The following NAV2 variants were observed in gnomAD, a reference collection of about 807,000 sequenced individuals.
NAV2 encodes helicase, APC down-regulated 1.
NAV2 carries 54 observed loss-of-function variants against 223.2 expected under a neutral mutation model. The ratio of observed to expected loss-of-function variants is 0.24; its 90% CI spans 0.19 to 0.30. NAV2 has a LOEUF of 0.30. Among genes scored for constraint, NAV2 ranks in the 10% least tolerant of loss-of-function variants. NAV2 has a pLI of 1.00. For synonymous variants in NAV2, 1,279 were observed against 1,239.3 expected, an observed-to-expected ratio of 1.03 and a Z score of -0.67; for missense variants, 2,806 against 3,147.5, an observed-to-expected ratio of 0.89 and a Z score of 2.60.
At chr11:19,634,715 A>C (rs2135516959) in intron 1 of NAV2, among the ~76,000 whole-genome samples, 1 of 152,320 alleles carries the variant, frequency 6.6e-6, no homozygotes, top group East Asian at 1.9e-4. Flanking sequence ...GGGAAGAGGC[A>C]ATTAAACATT....
At chr11:19,553,771 G>T (rs528712609) in intron 1 of NAV2, among the ~76,000 whole-genome samples, 1 of 152,328 alleles carries the variant, frequency 6.6e-6, no homozygotes, top group African/African-American at 2.4e-5. Context: ...CCCTTTCTGG[G>T]GAGACACACC....
intron 10 of NAV2, among the ~76,000 whole-genome samples, chr11:19,953,237 C>T (rs1362965062): frequency 6.6e-6 from 1 of 152,036 alleles, no homozygotes; most frequent in Non-Finnish European, 1.5e-5. Context: ...AATATAACAT[C>T]AGAAGTTTCT....
At chr11:19,675,014 G>T (rs1299331244) in intron 1 of NAV2, among the ~76,000 whole-genome samples, 1 of 152,168 alleles carries the variant, frequency 6.6e-6, no homozygotes, top group Non-Finnish European at 1.5e-5. Context: ...GAGCCTGAGT[G>T]CTTCTAATCC....
chr11:20,025,455 G>GA (rs2054955675), intron 11 of NAV2, among the ~76,000 whole-genome samples: 1 of 152,214 alleles, frequency 6.6e-6, no homozygotes, highest in African/African-American at 2.4e-5. Flanking sequence ...GAGGAGCCTT[G>GA]AAGGAGAGAG....
At chr11:20,114,468 TG>T in intron 36 of NAV2, 123 bp from the exon 37 acceptor site, 1 of 817,170 alleles carries the variant, frequency 1.2e-6, no homozygotes, top group Non-Finnish European at 2.0e-6. Flanking sequence ...GGAATAGAAG[TG>T]GAATTACTCC....
At chr11:19,497,645 G>C (rs917890506) in intron 1 of NAV2, among the ~76,000 whole-genome samples, 2 of 152,168 alleles carry the variant, frequency 1.3e-5, no homozygotes, top group African/African-American at 4.8e-5. Context: ...GAGCTTTCAG[G>C]AATCATTAAT....
rs372588468 is a variant in NAV2 at position 20,107,722 on chromosome 11, C to A, written c.6900C>A (p.Thr2300=). The stretch of plus-strand genomic sequence containing the variant: ...TGGACGGCTCGAGAGTGTGGTTCAC[C>A]GACTTGTGGAACTATTCCATTATCC... ...IDVDGSRVWF[T]DLWNYSIIPY... The change falls in exon 36 of 38, where the codon ACC becomes ACA. Residue 2300 remains threonine (T), a synonymous_variant. Transcript: ENST00000349880. 3.7e-6 allele frequency: 6 copies of A among 1,614,142 alleles called. No homozygotes were observed. The highest frequency in any genetic ancestry group is 5.1e-6 in the Non-Finnish European group (6 of 1,180,034).
rs540622741 is a variant in NAV2 at position 19,803,945 on chromosome 11, T to C, written c.268-28539T>C. Among the ~76,000 whole-genome samples the C allele has an allele frequency of 1.5e-4, 23 of 152,270 alleles. No individual in the cohort carries two copies. The South Asian group carries it at 4.8e-3, about 32-fold the overall frequency. ...CTAGGAACAATTGGCAAGGGTAGGG[T>C]AGAGCTTGAAAGGGGTGTGGCTAGG... On this transcript the variant is annotated intron_variant, in intron 1 of 37. Coordinates refer to ENST00000349880, the MANE Select transcript of NAV2 (RefSeq NM_145117.5).
At chr11:19,387,471 G>A (rs1849087945) in intron 1 of NAV2, among the ~76,000 whole-genome samples, 2 of 152,176 alleles carry the variant, frequency 1.3e-5, no homozygotes, top group South Asian at 2.1e-4. Context: ...GAGAGAAGAT[G>A]CTGAGTCTCA....
Position 19,886,900 on chromosome 11 carries a change from G to A in NAV2, c.771-5534G>A, listed in dbSNP as rs747754636. Among the ~76,000 whole-genome samples the A allele has an allele frequency of 3.3e-5, 5 of 152,092 alleles. No homozygotes were observed. In the East Asian group the frequency reaches 7.7e-4, roughly 23 times the overall value. On this transcript the variant is annotated intron_variant, in intron 5 of 37. Coordinates refer to ENST00000349880, the MANE Select transcript of NAV2 (RefSeq NM_145117.5). ...CCTACTTAGAGTTTCTTTGAGATAC[G>A]CTTTTGTCTCTGCTGAGGCCAATGA...
At chr11:19,907,645 T>A (rs2042985263) in intron 6 of NAV2, among the ~76,000 whole-genome samples, 1 of 152,192 alleles carries the variant, frequency 6.6e-6, no homozygotes, top group African/African-American at 2.4e-5. Context: ...AGAAGATACA[T>A]CTTTTGGCGG....
chr11:19,845,458 AT>A (rs1225211759), intron 3 of NAV2, among the ~76,000 whole-genome samples: 3 of 152,226 alleles, frequency 2.0e-5, no homozygotes, highest in Non-Finnish European at 2.9e-5. Context: ...GGAAAAAAAA[AT>A]AATCAGCATA....
intron 1 of NAV2, among the ~76,000 whole-genome samples, chr11:19,525,035 A>G (rs2702641): frequency 0.045 from 6,838 of 152,258 alleles, 520 homozygotes; most frequent in African/African-American, 0.16. Flanking sequence ...TGTGAATGTC[A>G]TTCATTTCTC....
intron 1 of NAV2, among the ~76,000 whole-genome samples, chr11:19,759,836 G>A (rs2054580359): frequency 6.6e-6 from 1 of 152,106 alleles, no homozygotes; most frequent in Non-Finnish European, 1.5e-5. Context: ...GATTGCTGCT[G>A]TTGCCGTTTG....
At chr11:19,910,572 T>C (rs1391843729) in intron 6 of NAV2, among the ~76,000 whole-genome samples, 1 of 152,174 alleles carries the variant, frequency 6.6e-6, no homozygotes, top group African/African-American at 2.4e-5. Flanking sequence ...GAAAAAAACA[T>C]AACTAGCCAG....
chr11:19,757,514 C>A (rs2054331302), intron 1 of NAV2, among the ~76,000 whole-genome samples: 1 of 152,120 alleles, frequency 6.6e-6, no homozygotes, highest in Non-Finnish European at 1.5e-5. Context: ...TGACCTTAGG[C>A]AAGTTGCTTG....
chr11:20,023,248 T>G (rs1442978836), intron 11 of NAV2: 1 of 503,274 alleles, frequency 2.0e-6, no homozygotes, highest in Non-Finnish European at 3.2e-6. Context: ...TGCAGCTGCC[T>G]AAATCACTGT....
chr11:19,701,263 T>A (rs1375523066), intron 1 of NAV2, among the ~76,000 whole-genome samples: 1 of 151,834 alleles, frequency 6.6e-6, no homozygotes, highest in Non-Finnish European at 1.5e-5. Context: ...GAAAATGGGG[T>A]CGTGGAGATC....
chr11:19,934,391 A>G (rs2045657747), intron 7 of NAV2, 114 bp downstream of exon 7: 3 of 1,277,270 alleles, frequency 2.3e-6, no homozygotes, highest in South Asian at 4.0e-5. Context: ...TACTTAAGTC[A>G]GTAGCTAAGA....
Sources: allele counts gnomAD v4.1 joint callset (sites outside exome capture counted in the v4.1 genomes callset), GRCh38; gene constraint gnomAD v4.1.1; transcripts MANE v1.5; gene names NCBI Gene and HGNC (gene_info 2026-07-23, HGNC 2026-07-21).